DIP2B: variants seen among roughly 807,000 people sequenced by gnomAD.
The protein encoded by DIP2B is DIP2 acetate--CoA ligase B (putative).
DIP2B carries 76 observed loss-of-function variants against 198.0 expected under a neutral mutation model. The ratio of observed to expected loss-of-function variants is 0.38; its 90% CI spans 0.32 to 0.46. The LOEUF is 0.46. Among genes scored for constraint, DIP2B ranks in the 20% least tolerant of loss-of-function variants. The pLI is 0.99. For synonymous variants in DIP2B, 701 were observed against 739.1 expected (o/e 0.95, Z 0.84); for missense variants, 1,559 against 1,978.4 (o/e 0.79, Z 4.02).
Position 50,680,665 on chromosome 12 carries a change from T to C in DIP2B, c.1115-7T>C. The C allele has an allele frequency of 1.9e-6, 3 of 1,608,068 alleles. No homozygotes were observed. The highest frequency in any genetic ancestry group is 1.7e-4 in the Middle Eastern group (1 of 6,016). ...ATGACTGTTGTTTTTTTTTCCTTTT[T>C]TTCCAGGAAAGTTGTGGAGCAGAAG... On this transcript the variant is annotated splice_polypyrimidine_tract_variant and splice_region_variant and intron_variant, in intron 8 of 37. Coordinates refer to ENST00000301180, the MANE Select transcript of DIP2B (RefSeq NM_173602.3).
intron 7 of DIP2B, among the ~76,000 whole-genome samples, chr12:50,676,361 A>G (rs532034683): frequency 7.9e-4 from 120 of 152,242 alleles, no homozygotes; most frequent in Non-Finnish European, 2.1e-4. Flanking sequence ...GTACATTGGT[A>G]GACTAGATCT....
At chr12:50,521,313 G>T (rs1158525893) in intron 1 of DIP2B, among the ~76,000 whole-genome samples, 1 of 151,092 alleles carries the variant, frequency 6.6e-6, no homozygotes, top group African/African-American at 2.4e-5. Context: ...CACCATGTTG[G>T]TCAAGCTGGT....
chr12:50,709,614 G>A (rs1939576708), intron 22 of DIP2B, among the ~76,000 whole-genome samples: 1 of 151,342 alleles, frequency 6.6e-6, no homozygotes, highest in Non-Finnish European at 1.5e-5. Flanking sequence ...CTCCAGCCTG[G>A]GGGACAGAGC....
At chr12:50,507,245 T>TTGTA (rs557862420) in intron 1 of DIP2B, among the ~76,000 whole-genome samples, 105 of 152,390 alleles carry the variant, frequency 6.9e-4, no homozygotes, top group African/African-American at 2.2e-3. Context: ...ACTACACTTC[T>TTGTA]TGTATTTCAT....
intron 1 of DIP2B, among the ~76,000 whole-genome samples, chr12:50,516,760 A>G (rs544312399): frequency 2.0e-5 from 3 of 152,136 alleles, no homozygotes; most frequent in Admixed American, 2.0e-4. Flanking sequence ...GGATCACCTG[A>G]GGTCAGGAGT....
Position 50,712,035 on chromosome 12 carries a change from G to A in DIP2B, c.2650-2360G>A, listed in dbSNP as rs1000938055. On this transcript the variant is annotated intron_variant, in intron 22 of 37. Coordinates refer to ENST00000301180, the MANE Select transcript of DIP2B (RefSeq NM_173602.3). ...AAATGAATAAATAAATTAGCTAGACGCCACTGCCTGTGGTCCCACTTACTT... is the reference window on the plus strand; with the variant it reads ...AAATGAATAAATAAATTAGCTAGACACCACTGCCTGTGGTCCCACTTACTT... 3.3e-5 allele frequency among the ~76,000 whole-genome samples: 5 copies of A among 152,000 alleles called. No individual in the cohort carries two copies. In the East Asian group the frequency reaches 7.7e-4, roughly 23 times the overall value.
intron 12 of DIP2B, chr12:50,686,935 T>G (rs1251785241): frequency 2.9e-6 from 1 of 348,892 alleles, no homozygotes; most frequent in Non-Finnish European, 5.2e-6. Flanking sequence ...ACAAAAGACT[T>G]TAGGGAAGTA....
chr12:50,695,484 A>G (rs1432661188), intron 15 of DIP2B, 124 bp downstream of exon 15: 1 of 920,146 alleles, frequency 1.1e-6, no homozygotes, highest in Non-Finnish European at 1.7e-6. Context: ...GAGTTTAGTT[A>G]CTACAGAATT....
chr12:50,723,804 T>A (rs1939883234), intron 27 of DIP2B, among the ~76,000 whole-genome samples: 1 of 152,192 alleles, frequency 6.6e-6, no homozygotes, highest in African/African-American at 2.4e-5. Context: ...TCTGATATTT[T>A]TCCTGCAAAA....
chr12:50,513,720 A>G (rs1465715244), intron 1 of DIP2B, among the ~76,000 whole-genome samples: 1 of 152,036 alleles, frequency 6.6e-6, no homozygotes, highest in Non-Finnish European at 1.5e-5. Flanking sequence ...CTAAAAATAC[A>G]CAAACTAGCC....
chr12:50,672,163 C>T (rs1450709140), intron 5 of DIP2B, among the ~76,000 whole-genome samples: 1 of 152,062 alleles, frequency 6.6e-6, no homozygotes, highest in Non-Finnish European at 1.5e-5. Context: ...TAATTTTCAT[C>T]TCAGTGACCT....
At chr12:50,614,518 A>G (rs943802105) in intron 1 of DIP2B, among the ~76,000 whole-genome samples, 45 of 152,296 alleles carry the variant, frequency 3.0e-4, no homozygotes, top group African/African-American at 9.9e-4. Context: ...CCTGCTGGAT[A>G]TCCTCCCTTG....
In DIP2B at chr12:50,745,908, G is replaced by C. The variant is rs918710008; in HGVS notation, c.*1069G>C. On this transcript the variant is annotated 3_prime_UTR_variant, in exon 38 of 38. Coordinates refer to ENST00000301180, the MANE Select transcript of DIP2B (RefSeq NM_173602.3). ...TAACTTCTCTTCTGAAAACTGAGGA[G>C]TGTCCTCTGTTCTTCCAGTTCACGA... 1 of 152,194 alleles carries C rather than the reference G, an allele frequency of 6.6e-6. No individual in the cohort carries two copies. The highest frequency in any genetic ancestry group is 2.4e-5 in the African/African-American group (1 of 41,442). 9.4% of individuals were successfully genotyped at this position (152,194 alleles called of 1,614,324 possible).
intron 21 of DIP2B, 117 bp from the exon 22 acceptor site, chr12:50,708,331 A>G (rs1939552308): frequency 2.6e-6 from 2 of 777,246 alleles, no homozygotes; most frequent in Non-Finnish European, 4.3e-6. Flanking sequence ...TTTCTTTTCT[A>G]AGCTACTCGT....
chr12:50,721,492 T>C, intron 26 of DIP2B, 96 bp downstream of exon 26: 1 of 1,540,272 alleles, frequency 6.5e-7, no homozygotes, highest in Non-Finnish European at 8.8e-7. Flanking sequence ...CTCTATGACT[T>C]GCAAGCAGTG....
Position 50,592,987 on chromosome 12 carries a change from C to CCTTGTCATATTTAAATATGACA in DIP2B, c.101-32989_101-32988insCTTGTCATATTTAAATATGACA, listed in dbSNP as rs560877534. ...GGAGAATTTAAATATGACAAGTTGTCAGTGTTAGTCCTTGCCATTAGACCT... is the reference window on the plus strand; with the variant it reads ...GGAGAATTTAAATATGACAAGTTGTCCTTGTCATATTTAAATATGACAAGTGTTAGTCCTTGCCATTAGACCT... On this transcript the variant is annotated intron_variant, in intron 1 of 37. Transcript: ENST00000301180. Among the ~76,000 whole-genome samples, 982 of 152,244 alleles carry CCTTGTCATATTTAAATATGACA rather than the reference C, an allele frequency of 6.5e-3. 9 individuals are homozygous for CCTTGTCATATTTAAATATGACA. The highest frequency in any genetic ancestry group is 0.022 in the African/African-American group (903 of 41,532).
chr12:50,623,094 T>G (rs1937846717), intron 1 of DIP2B, among the ~76,000 whole-genome samples: 1 of 151,902 alleles, frequency 6.6e-6, no homozygotes, highest in Non-Finnish European at 1.5e-5. Flanking sequence ...TCTACTAAAG[T>G]ATATAAAACA....
chr12:50,594,151 C>A (rs1958859064), intron 1 of DIP2B, among the ~76,000 whole-genome samples: 1 of 150,990 alleles, frequency 6.6e-6, no homozygotes, highest in African/African-American at 2.4e-5. Context: ...ACCCTGTTGG[C>A]TGGGCTGGTC....
At chr12:50,606,140 G>T (rs1017983598) in intron 1 of DIP2B, among the ~76,000 whole-genome samples, 1 of 151,632 alleles carries the variant, frequency 6.6e-6, no homozygotes, top group African/African-American at 2.4e-5. Flanking sequence ...TCTTTCTTTT[G>T]AGATGGATCT....
Sources: allele counts gnomAD v4.1 joint callset (sites outside exome capture counted in the v4.1 genomes callset), GRCh38; gene constraint gnomAD v4.1.1; transcripts MANE v1.5; gene names NCBI Gene and HGNC (gene_info 2026-07-23, HGNC 2026-07-21).